IMMP1L: variants seen among roughly 807,000 people sequenced by gnomAD.
IMMP1L encodes the protein mitochondrial inner membrane protease subunit 1.
Under a neutral mutation model 21.8 loss-of-function variants are expected in IMMP1L, and 24 were observed. The observed-to-expected ratio is 1.10, with a 90% CI of 0.80 to 1.55. The LOEUF is 1.55. Among genes scored for constraint, IMMP1L ranks in the 40% most tolerant of loss-of-function variants. The pLI is 0.00. For missense variants in IMMP1L, 195 were observed against 200.7 expected (o/e 0.97, Z 0.17); for synonymous variants, 46 against 62.8 (o/e 0.73, Z 1.26).
intron 1 of IMMP1L, among the ~76,000 whole-genome samples, chr11:31,496,962 A>G (rs575508009): frequency 2.1e-5 from 3 of 144,264 alleles, no homozygotes; most frequent in African/African-American, 7.8e-5. Context: ...TATATCATAT[A>G]TATCATCTAT....
At chr11:31,472,873 TA>T (rs749645376) in intron 1 of IMMP1L, among the ~76,000 whole-genome samples, 29 of 151,804 alleles carry the variant, frequency 1.9e-4, no homozygotes, top group Non-Finnish European at 3.2e-4. Flanking sequence ...TTTATTTATT[TA>T]TTTTTTTTTG....
intron 3 of IMMP1L, among the ~76,000 whole-genome samples, chr11:31,458,359 C>T (rs117258328): frequency 0.021 from 3,239 of 152,084 alleles, 66 homozygotes; most frequent in Non-Finnish European, 0.028. Flanking sequence ...AAACTAGTGT[C>T]AATTATCTCA....
At chr11:31,481,820 C>T (rs955193412) in intron 1 of IMMP1L, among the ~76,000 whole-genome samples, 4 of 151,314 alleles carry the variant, frequency 2.6e-5, no homozygotes, top group African/African-American at 9.7e-5. Flanking sequence ...TAATTTTTCC[C>T]TCAATTTAAA....
intron 3 of IMMP1L, 55 bp from the exon 4 acceptor site, chr11:31,456,441 G>C: frequency 7.3e-7 from 1 of 1,361,388 alleles, no homozygotes; most frequent in Non-Finnish European, 1.0e-6. Context: ...AAAAACACAT[G>C]CATGGCACTG....
chr11:31,460,548 G>A, intron 3 of IMMP1L, 78 bp downstream of exon 3: 1 of 814,026 alleles, frequency 1.2e-6, no homozygotes, highest in Non-Finnish European at 2.0e-6. Flanking sequence ...TAAAGATAAA[G>A]TTAAGGAACT....
chr11:31,462,080 C>A (rs890294871), intron 2 of IMMP1L, among the ~76,000 whole-genome samples: 4 of 152,006 alleles, frequency 2.6e-5, no homozygotes, highest in African/African-American at 4.8e-5. Flanking sequence ...TTTGGGATGC[C>A]AAGGTAGGCA....
At chr11:31,443,254 T>C (rs954304746) in intron 4 of IMMP1L, among the ~76,000 whole-genome samples, 11 of 152,276 alleles carry the variant, frequency 7.2e-5, no homozygotes, top group African/African-American at 2.2e-4. Context: ...CCCAGTTTGT[T>C]TGAGTCATGT....
chr11:31,456,876 C>CAAAAAAAA (rs56849120), intron 3 of IMMP1L, among the ~76,000 whole-genome samples: 3 of 17,968 alleles, frequency 1.7e-4, no homozygotes, highest in Non-Finnish European at 3.2e-4. Flanking sequence ...ACCATGTCTC[C>CAAAAAAAA]AAAAAAAAAA....
At chr11:31,503,637 A>G (rs1955694885) in intron 1 of IMMP1L, among the ~76,000 whole-genome samples, 1 of 152,192 alleles carries the variant, frequency 6.6e-6, no homozygotes, top group Non-Finnish European at 1.5e-5. Flanking sequence ...TGGCAAAGTA[A>G]GCTTATGACA....
chr11:31,505,324 T>A (rs1360172590), intron 1 of IMMP1L, among the ~76,000 whole-genome samples: 1 of 152,194 alleles, frequency 6.6e-6, no homozygotes, highest in South Asian at 2.1e-4. Context: ...TTGTTTAAGA[T>A]AGGCACCTTG....
At chr11:31,507,512 A>G (rs1334944791) in intron 1 of IMMP1L, among the ~76,000 whole-genome samples, 2 of 152,190 alleles carry the variant, frequency 1.3e-5, no homozygotes, top group African/African-American at 4.8e-5. Context: ...GGAATATGTA[A>G]TACAGAAGCC....
intron 4 of IMMP1L, among the ~76,000 whole-genome samples, chr11:31,444,493 G>C (rs1157078039): frequency 6.6e-6 from 1 of 151,850 alleles, no homozygotes; most frequent in East Asian, 1.9e-4. Flanking sequence ...TTAATTATGA[G>C]TAAGTACCAC....
At chr11:31,507,863 G>A (rs1477317661) in intron 1 of IMMP1L, among the ~76,000 whole-genome samples, 1 of 152,146 alleles carries the variant, frequency 6.6e-6, no homozygotes, top group Non-Finnish European at 1.5e-5. Context: ...ACTATGTGAG[G>A]TAATGCATTG....
At chr11:31,467,913 G>A (rs1048344396) in intron 1 of IMMP1L, among the ~76,000 whole-genome samples, 3 of 151,674 alleles carry the variant, frequency 2.0e-5, no homozygotes, top group African/African-American at 4.8e-5. Context: ...GGAATGACAA[G>A]TACATCATCA....
chr11:31,453,032 G>C, intron 4 of IMMP1L: 1 of 1,279,046 alleles, frequency 7.8e-7, no homozygotes, highest in Non-Finnish European at 1.0e-6. Context: ...GATTACAGGC[G>C]TGAGCCACCG....
chr11:31,441,775 G>A (rs953285837), intron 4 of IMMP1L, among the ~76,000 whole-genome samples: 3 of 151,954 alleles, frequency 2.0e-5, no homozygotes, highest in Non-Finnish European at 2.9e-5. Flanking sequence ...TGCTCACAGA[G>A]ACAGATAATA....
intron 1 of IMMP1L, among the ~76,000 whole-genome samples, chr11:31,464,507 T>G (rs1265586490): frequency 6.6e-6 from 1 of 151,846 alleles, no homozygotes; most frequent in Non-Finnish European, 1.5e-5. Context: ...TAGGCCAAAA[T>G]CCCCAATGAG....
chr11:31,501,949 G>A (rs1318064881), intron 1 of IMMP1L, among the ~76,000 whole-genome samples: 1 of 151,612 alleles, frequency 6.6e-6, no homozygotes, highest in African/African-American at 2.4e-5. Context: ...CTGCACTCCA[G>A]CCTGGGCAAC....
At chr11:31,502,001 A>G (rs897369963) in intron 1 of IMMP1L, among the ~76,000 whole-genome samples, 3 of 151,838 alleles carry the variant, frequency 2.0e-5, no homozygotes, top group African/African-American at 4.8e-5. Flanking sequence ...AGAAAAAGAA[A>G]TGAAAATAAT....
Sources: allele counts gnomAD v4.1 joint callset (sites outside exome capture counted in the v4.1 genomes callset), GRCh38; gene constraint gnomAD v4.1.1; transcripts MANE v1.5; gene names NCBI Gene and HGNC (gene_info 2026-07-23, HGNC 2026-07-21).